STRBP: variants seen among roughly 807,000 people sequenced by gnomAD.
STRBP encodes the protein spermatid perinuclear RNA binding protein.
In STRBP, 13 loss-of-function variants were observed where a neutral mutation model predicts 80.1. That is an observed-to-expected ratio of 0.16 (90% CI 0.11 to 0.26). The LOEUF is 0.26. Among genes scored for constraint, STRBP ranks in the 10% least tolerant of loss-of-function variants. The pLI is 1.00. For synonymous variants in STRBP, 284 were observed against 291.2 expected (o/e 0.98, Z 0.25); for missense variants, 485 against 815.2 (o/e 0.59, Z 4.93).
At chr9:123,181,072 A>C (rs1454421585) in intron 3 of STRBP, 1 of 237,114 alleles carries the variant, frequency 4.2e-6, no homozygotes, top group Non-Finnish European at 6.9e-6. Flanking sequence ...TTGAAAAGGT[A>C]ATCATTTGAA....
intron 2 of STRBP, among the ~76,000 whole-genome samples, chr9:123,221,389 A>G (rs1238817601): frequency 6.6e-6 from 1 of 152,238 alleles, no homozygotes; most frequent in Non-Finnish European, 1.5e-5. Flanking sequence ...CCTGGGTCGC[A>G]CTTTCCTCAT....
intron 2 of STRBP, among the ~76,000 whole-genome samples, chr9:123,215,345 C>A (rs1335291435): frequency 5.3e-5 from 8 of 152,214 alleles, no homozygotes; most frequent in Admixed American, 5.2e-4. Context: ...GCATGAGCCA[C>A]TGTGCCCAGC....
chr9:123,201,179 T>C (rs564066277), intron 2 of STRBP, among the ~76,000 whole-genome samples: 1 of 152,290 alleles, frequency 6.6e-6, no homozygotes, highest in South Asian at 2.1e-4. Flanking sequence ...AGCGACAGCA[T>C]ATTTCACTGA....
intron 2 of STRBP, among the ~76,000 whole-genome samples, chr9:123,231,919 T>C (rs1252089512): frequency 6.6e-6 from 1 of 152,228 alleles, no homozygotes; most frequent in African/African-American, 2.4e-5. Context: ...TCCTTACAGT[T>C]ACCTAAACAC....
intron 1 of STRBP, among the ~76,000 whole-genome samples, chr9:123,263,819 CTCAG>C (rs2041210116): frequency 1.3e-5 from 2 of 151,826 alleles, no homozygotes; most frequent in African/African-American, 4.9e-5. Context: ...ATTCCAGTCA[CTCAG>C]TCAGTAATCA....
At chr9:123,248,855 A>G (rs1300033633) in intron 1 of STRBP, among the ~76,000 whole-genome samples, 2 of 152,184 alleles carry the variant, frequency 1.3e-5, no homozygotes, top group Admixed American at 1.3e-4. Context: ...TATATGTCTT[A>G]CCCCTTCAGC....
At chr9:123,220,360 A>G (rs957354882) in intron 2 of STRBP, among the ~76,000 whole-genome samples, 1 of 152,180 alleles carries the variant, frequency 6.6e-6, no homozygotes, top group Non-Finnish European at 1.5e-5. Flanking sequence ...TAGGCTACAA[A>G]CCTGTACAGC....
At chr9:123,194,332 C>T (rs926736623) in intron 2 of STRBP, among the ~76,000 whole-genome samples, 1 of 152,070 alleles carries the variant, frequency 6.6e-6, no homozygotes, top group Non-Finnish European at 1.5e-5. Flanking sequence ...AATTCCTGAA[C>T]TCAAACTCTA....
chr9:123,184,732 T>C (rs747954185), intron 2 of STRBP, among the ~76,000 whole-genome samples: 22 of 152,222 alleles, frequency 1.4e-4, no homozygotes, highest in South Asian at 2.1e-4. Flanking sequence ...CATGATGCTT[T>C]TACATTGGAT....
chr9:123,243,004 G>A (rs768262909), intron 1 of STRBP, among the ~76,000 whole-genome samples: 9 of 151,946 alleles, frequency 5.9e-5, no homozygotes, highest in Non-Finnish European at 1.0e-4. Flanking sequence ...ACAAGACCAA[G>A]AAAAGCTAAA....
At chr9:123,254,615 CTT>C (rs1588159229) in intron 1 of STRBP, among the ~76,000 whole-genome samples, 1 of 152,080 alleles carries the variant, frequency 6.6e-6, no homozygotes, top group African/African-American at 2.4e-5. Flanking sequence ...AAGGGTAAAA[CTT>C]TATATTCTTA....
chr9:123,169,779 A>C, intron 6 of STRBP, 123 bp downstream of exon 6: 1 of 551,036 alleles, frequency 1.8e-6, no homozygotes, highest in South Asian at 8.8e-5. Flanking sequence ...ATAGAGTGGC[A>C]TAAAACAAAT....
chr9:123,135,907 CAAAGCAAAG>C, intron 16 of STRBP, 125 bp downstream of exon 16: 1 of 1,187,984 alleles, frequency 8.4e-7, no homozygotes. Flanking sequence ...TGACCTAACC[CAAAGCAAAG>C]GTCACCAAGT....
chr9:123,220,354 C>T (rs2040028580), intron 2 of STRBP, among the ~76,000 whole-genome samples: 1 of 152,166 alleles, frequency 6.6e-6, no homozygotes, highest in Admixed American at 6.5e-5. Context: ...TGCTTCTAGG[C>T]TACAAACCTG....
At chr9:123,184,022 G>T in intron 3 of STRBP, 110 bp downstream of exon 3, 1 of 1,097,518 alleles carries the variant, frequency 9.1e-7, no homozygotes, top group Non-Finnish European at 1.3e-6. Flanking sequence ...ACACACTAAA[G>T]CCAAAAATTA....
intron 3 of STRBP, chr9:123,114,597 T>C (rs1376249936): frequency 6.0e-6 from 1 of 167,074 alleles, no homozygotes; most frequent in East Asian, 1.9e-4. Flanking sequence ...GATGCCAGAG[T>C]GCTCCAGCAC....
intron 1 of STRBP, among the ~76,000 whole-genome samples, chr9:123,263,058 A>G (rs2041191022): frequency 6.6e-6 from 1 of 152,240 alleles, no homozygotes; most frequent in African/African-American, 2.4e-5. Flanking sequence ...AGTCAGAAAC[A>G]GTTTCTGTAG....
intron 1 of STRBP, among the ~76,000 whole-genome samples, chr9:123,267,282 T>C (rs1362380603): frequency 6.6e-6 from 1 of 151,642 alleles, no homozygotes; most frequent in Non-Finnish European, 1.5e-5. Context: ...CCATACTTCC[T>C]GCATAAACAC....
chr9:123,141,465 ACTGT>A (rs2036588587), intron 13 of STRBP, among the ~76,000 whole-genome samples: 2 of 152,202 alleles, frequency 1.3e-5, no homozygotes, highest in African/African-American at 4.8e-5. Flanking sequence ...CACCTTCTCC[ACTGT>A]CTGAGTCCTG....
Sources: allele counts gnomAD v4.1 joint callset (sites outside exome capture counted in the v4.1 genomes callset), GRCh38; gene constraint gnomAD v4.1.1; transcripts MANE v1.5; gene names NCBI Gene and HGNC (gene_info 2026-07-23, HGNC 2026-07-21).